RIN2: variants seen among roughly 807,000 people sequenced by gnomAD.
The protein encoded by RIN2 is Ras and Rab interactor 2.
In RIN2, 36 loss-of-function variants were observed where a neutral mutation model predicts 78.0. That is an observed-to-expected ratio of 0.46 (90% CI 0.35 to 0.61). The LOEUF (loss-of-function observed/expected upper bound fraction) is 0.61, where lower values mean the gene tolerates loss of function less well. Ranked by LOEUF, RIN2 falls within the 20% of genes least tolerant of loss-of-function variation. The pLI is 0.00. For missense variants in RIN2, 1,087 were observed against 1,159.7 expected (o/e 0.94, Z 0.91); for synonymous variants, 466 against 466.8 (o/e 1.00, Z 0.02).
At chr20:19,965,803 GT>G (rs1355851649) in intron 7 of RIN2, among the ~76,000 whole-genome samples, 9 of 152,000 alleles carry the variant, frequency 5.9e-5, no homozygotes, top group Admixed American at 2.0e-4. Flanking sequence ...GTAGAGACGG[GT>G]TTTCACCATG....
chr20:19,940,845 T>C (rs1465440414), intron 4 of RIN2, among the ~76,000 whole-genome samples: 1 of 152,188 alleles, frequency 6.6e-6, no homozygotes, highest in African/African-American at 2.4e-5. Context: ...CTGAGACAAG[T>C]CTCTAAAGAT....
chr20:19,932,686 G>A (rs529886365), intron 3 of RIN2, among the ~76,000 whole-genome samples: 1 of 151,882 alleles, frequency 6.6e-6, no homozygotes, highest in Non-Finnish European at 1.5e-5. Flanking sequence ...CTTCTCCATC[G>A]ACCTCTCTCC....
At chr20:19,813,127 G>C (rs12481050) in intron 2 of RIN2, among the ~76,000 whole-genome samples, 47,671 of 152,096 alleles carry the variant, frequency 0.31, 7,909 homozygotes, top group African/African-American at 0.43. Context: ...TGGCCTCTCG[G>C]ACAGTCAGCC....
Position 19,762,720 on chromosome 20 carries a change from G to A in RIN2, c.-163+4393G>A, listed in dbSNP as rs536548346. Among the ~76,000 whole-genome samples the A allele has an allele frequency of 3.9e-5, 6 of 152,232 alleles. No individual in the cohort carries two copies. In the South Asian group the frequency reaches 1.2e-3, roughly 32 times the overall value. ...ACATGTCATCGTGCTGTGCGAACAAGGGAGAAGGTAGGGAAGAAACACTGA... is the reference window on the plus strand; with the variant it reads ...ACATGTCATCGTGCTGTGCGAACAAAGGAGAAGGTAGGGAAGAAACACTGA... On this transcript the variant is annotated intron_variant, in intron 1 of 12. Coordinates refer to ENST00000255006, the MANE Select transcript of RIN2 (RefSeq NM_018993.4).
At chr20:19,771,088 G>A (rs1189674500) in intron 1 of RIN2, among the ~76,000 whole-genome samples, 1 of 152,220 alleles carries the variant, frequency 6.6e-6, no homozygotes, top group Non-Finnish European at 1.5e-5. Context: ...GGGGAGGCCA[G>A]CTTCCAAGAA....
intron 2 of RIN2, chr20:19,871,793 A>G (rs1333680373): frequency 6.6e-6 from 1 of 152,210 alleles, no homozygotes; most frequent in Non-Finnish European, 1.5e-5. Context: ...TCTGCCTAAC[A>G]GGGACTATAT....
At chr20:19,889,100 C>T in intron 2 of RIN2, 1 of 985,102 alleles carries the variant, frequency 1.0e-6, no homozygotes, top group Non-Finnish European at 1.2e-6. Flanking sequence ...TTCTGTTGAC[C>T]TTGCCTGGGG....
intron 2 of RIN2, among the ~76,000 whole-genome samples, chr20:19,854,061 G>T (rs1343057072): frequency 6.6e-6 from 1 of 152,276 alleles, no homozygotes; most frequent in African/African-American, 2.4e-5. Context: ...TTTGTATAAG[G>T]TGTAAGGAAG....
intron 2 of RIN2, among the ~76,000 whole-genome samples, chr20:19,810,130 G>A (rs1237150073): frequency 6.6e-6 from 1 of 152,044 alleles, no homozygotes; most frequent in African/African-American, 2.4e-5. Context: ...CAGGCGTGGT[G>A]GCTCACACCT....
chr20:19,974,941 T>TCCCCC lies in RIN2; in HGVS notation c.919_923dup (p.Arg310HisfsTer39). ...CGCGAATGGCACGGAGCGGACTCGG[T>TCCCCC]CCCCCCCACCCAGGCCCCCGCCACC... On this transcript the variant is annotated frameshift_variant, in exon 9 of 13. Transcript: ENST00000255006. LOFTEE classifies it high-confidence loss of function. 2.5e-6 allele frequency: 4 copies of TCCCCC among 1,571,244 alleles called. No individual in the cohort carries two copies. Among genetic ancestry groups the TCCCCC allele is most frequent in the Non-Finnish European group, 3.5e-6 (4 of 1,144,086 alleles).
At chr20:19,914,573 A>T (rs436538) in intron 3 of RIN2, among the ~76,000 whole-genome samples, 41,970 of 152,088 alleles carry the variant, frequency 0.28, 7,354 homozygotes, top group East Asian at 0.54. Context: ...AACAAATATA[A>T]ACTCAGCACC....
At chr20:19,819,779 C>T (rs897133952) in intron 2 of RIN2, among the ~76,000 whole-genome samples, 3 of 152,222 alleles carry the variant, frequency 2.0e-5, no homozygotes, top group Admixed American at 2.0e-4. Context: ...AATGATCCTC[C>T]TGCCTCAGCC....
At chr20:19,836,821 A>G (rs779072157) in intron 2 of RIN2, among the ~76,000 whole-genome samples, 2 of 152,132 alleles carry the variant, frequency 1.3e-5, no homozygotes, top group Non-Finnish European at 2.9e-5. Flanking sequence ...ATCTTGCTGA[A>G]CTTAACTATT....
At chr20:19,974,030 T>G (rs1249832295) in intron 8 of RIN2, among the ~76,000 whole-genome samples, 2 of 152,200 alleles carry the variant, frequency 1.3e-5, no homozygotes, top group Non-Finnish European at 2.9e-5. Context: ...GGTAAATGGT[T>G]GGGCCTGCAC....
intron 2 of RIN2, among the ~76,000 whole-genome samples, chr20:19,830,575 A>C (rs1363837864): frequency 1.3e-5 from 2 of 152,232 alleles, no homozygotes; most frequent in African/African-American, 4.8e-5. Flanking sequence ...TTCAGTTTCC[A>C]GGACTCTCAA....
At chr20:19,947,901 A>G (rs1005646191) in intron 4 of RIN2, among the ~76,000 whole-genome samples, 1 of 152,220 alleles carries the variant, frequency 6.6e-6, no homozygotes, top group African/African-American at 2.4e-5. Context: ...TGCTCTTCCA[A>G]GAGGAGAGTT....
In RIN2 at chr20:19,990,487, A is replaced by G. The variant is rs532279303; in HGVS notation, c.2068+176A>G. 2.6e-5 allele frequency among the ~76,000 whole-genome samples: 4 copies of G among 152,306 alleles called. No individual in the cohort carries two copies. In the East Asian group the frequency reaches 5.8e-4, roughly 22 times the overall value. ...ATATCCGGCACATTAGTCACATGCA[A>G]CAGATTAAAATGTAAGCAGATGAGG... On this transcript the variant is annotated intron_variant, in intron 10 of 12. Transcript: ENST00000255006.
chr20:19,863,134 T>C (rs1229543644), intron 2 of RIN2, among the ~76,000 whole-genome samples: 2 of 152,218 alleles, frequency 1.3e-5, no homozygotes, highest in Non-Finnish European at 2.9e-5. Flanking sequence ...ACAGCATGTG[T>C]GTGCAAGAAG....
chr20:19,911,822 A>G (rs1234403963), intron 3 of RIN2, among the ~76,000 whole-genome samples: 1 of 152,196 alleles, frequency 6.6e-6, no homozygotes, highest in African/African-American at 2.4e-5. Context: ...AAGTCAACAT[A>G]CCTGTTACTG....
Sources: allele counts gnomAD v4.1 joint callset (sites outside exome capture counted in the v4.1 genomes callset), GRCh38; gene constraint gnomAD v4.1.1; transcripts MANE v1.5; gene names NCBI Gene and HGNC (gene_info 2026-07-23, HGNC 2026-07-21).